Variants in TENM2 observed in about 807,000 individuals in gnomAD.
TENM2 encodes the protein teneurin transmembrane protein 2, also known as teneurin-2.
Under a neutral mutation model 245.2 loss-of-function variants are expected in TENM2, and 52 were observed. The observed-to-expected ratio is 0.21, with a 90% CI of 0.17 to 0.27. The LOEUF is 0.27. Among genes scored for constraint, TENM2 ranks in the 10% least tolerant of loss-of-function variants. The pLI, the probability that TENM2 is intolerant of heterozygous loss-of-function variation, is 1.00. For missense variants in TENM2, 3,046 were observed against 3,666.8 expected (o/e 0.83, Z 4.37); for synonymous variants, 1,363 against 1,438.9 (o/e 0.95, Z 1.19).
intron 2 of TENM2, among the ~76,000 whole-genome samples, chr5:167,596,266 A>G (rs1776202095): frequency 1.3e-5 from 2 of 152,210 alleles, no homozygotes; most frequent in African/African-American, 4.8e-5. Flanking sequence ...AGATGAAGGA[A>G]CAGAGGCCCC....
intron 2 of TENM2, among the ~76,000 whole-genome samples, chr5:167,522,566 A>G (rs1325414266): frequency 6.6e-6 from 1 of 151,948 alleles, no homozygotes; most frequent in Non-Finnish European, 1.5e-5. Context: ...TGCCTGTATT[A>G]TTTATTTTAT....
At chr5:167,379,095 A>G (rs1760941898) in intron 2 of TENM2, among the ~76,000 whole-genome samples, 1 of 152,144 alleles carries the variant, frequency 6.6e-6, no homozygotes, top group Non-Finnish European at 1.5e-5. Flanking sequence ...GTTCATTTTC[A>G]TCTGTTGTAA....
At chr5:167,723,642 A>G (rs1759790504) in intron 2 of TENM2, among the ~76,000 whole-genome samples, 1 of 152,084 alleles carries the variant, frequency 6.6e-6, no homozygotes, top group Non-Finnish European at 1.5e-5. Flanking sequence ...TGTGTGCCTC[A>G]AATATGCTGG....
intron 2 of TENM2, among the ~76,000 whole-genome samples, chr5:167,446,830 C>T (rs1248983292): frequency 2.7e-5 from 4 of 147,798 alleles, no homozygotes; most frequent in Admixed American, 1.4e-4. Flanking sequence ...CACACACAGA[C>T]ATACATACAG....
intron 2 of TENM2, among the ~76,000 whole-genome samples, chr5:167,465,936 A>G (rs1035202950): frequency 2.6e-5 from 4 of 152,180 alleles, no homozygotes; most frequent in African/African-American, 9.6e-5. Flanking sequence ...TCCAAAGTCC[A>G]TGAATGTCCA....
At chr5:167,721,790 T>C (rs1759650026) in intron 2 of TENM2, among the ~76,000 whole-genome samples, 1 of 152,230 alleles carries the variant, frequency 6.6e-6, no homozygotes, top group Admixed American at 6.5e-5. Context: ...CATTAGGACA[T>C]AGACATTGTT....
chr5:167,712,277 A>G (rs965050724), intron 2 of TENM2, among the ~76,000 whole-genome samples: 1 of 152,214 alleles, frequency 6.6e-6, no homozygotes, highest in Admixed American at 6.5e-5. Context: ...ATATTCCATT[A>G]ACAAGTTTTA....
chr5:168,181,625 C>T (rs1759895677), intron 13 of TENM2, among the ~76,000 whole-genome samples: 1 of 150,992 alleles, frequency 6.6e-6, no homozygotes, highest in Non-Finnish European at 1.5e-5. Flanking sequence ...AGGAAAACTT[C>T]CAACAGGTCT....
At chr5:167,017,535 A>T in the TENM2 span, among the ~76,000 whole-genome samples, 1 of 152,176 alleles carries the variant, frequency 6.6e-6, no homozygotes, top group African/African-American at 2.4e-5. Flanking sequence ...ATTAGCAATA[A>T]ATGGGGTGGG....
At chr5:167,429,167 C>T (rs1308631945) in intron 2 of TENM2, among the ~76,000 whole-genome samples, 4 of 152,086 alleles carry the variant, frequency 2.6e-5, no homozygotes, top group Non-Finnish European at 5.9e-5. Flanking sequence ...AAAATCAATG[C>T]CTCTCATTAA....
intron 2 of TENM2, among the ~76,000 whole-genome samples, chr5:167,535,399 A>C (rs914755356): frequency 6.6e-6 from 1 of 152,116 alleles, no homozygotes; most frequent in Admixed American, 6.5e-5. Context: ...CTGCTTGAAG[A>C]AAAGCCAAAG....
chr5:168,158,855 A>ACC (rs1174815503), intron 12 of TENM2, among the ~76,000 whole-genome samples: 7 of 130,464 alleles, frequency 5.4e-5, no homozygotes, highest in African/African-American at 2.0e-4. Flanking sequence ...ATATATACAC[A>ACC]CACACACACA....
chr5:168,262,964 G>A (rs1361241496), exon 29 of TENM2: 1 of 680,296 alleles, frequency 1.5e-6, no homozygotes, highest in Non-Finnish European at 2.4e-6. Context: ...GAGTTCAAAT[G>A]CTACTGTCCA....
chr5:167,437,199 G>A (rs769811154), intron 2 of TENM2, among the ~76,000 whole-genome samples: 1 of 152,172 alleles, frequency 6.6e-6, no homozygotes, highest in African/African-American at 2.4e-5. Flanking sequence ...GGGTGGAGCT[G>A]CCCAAGACCA....
At chr5:168,155,927 G>GT (rs1757122334) in intron 12 of TENM2, among the ~76,000 whole-genome samples, 2 of 122,476 alleles carry the variant, frequency 1.6e-5, no homozygotes, top group African/African-American at 6.3e-5. Flanking sequence ...AAAAAAAATT[G>GT]TAAGTACGGT....
At chr5:167,431,970 T>TATATACACACATATATATAC (rs1554150946) in intron 2 of TENM2, among the ~76,000 whole-genome samples, 1 of 135,528 alleles carries the variant, frequency 7.4e-6, no homozygotes, top group African/African-American at 2.9e-5. Flanking sequence ...TGTATATATA[T>TATATACACACATATATATAC]ATATATATGG....
chr5:167,954,891 A>G (rs1353029878), intron 4 of TENM2, among the ~76,000 whole-genome samples: 1 of 152,198 alleles, frequency 6.6e-6, no homozygotes, highest in East Asian at 1.9e-4. Context: ...GGTTGGTTCC[A>G]AGTCTCTGCT....
chr5:168,258,456 GCGCCA>G (rs1767880791), intron 27 of TENM2, among the ~76,000 whole-genome samples: 1 of 152,034 alleles, frequency 6.6e-6, no homozygotes, highest in Non-Finnish European at 1.5e-5. Flanking sequence ...AGCCGAAATC[GCGCCA>G]CTGCACTCCA....
intron 8 of TENM2, 127 bp from the exon 11 acceptor site, chr5:168,097,899 C>T: frequency 1.5e-6 from 1 of 669,632 alleles, no homozygotes; most frequent in African/African-American, 1.8e-5. Context: ...ATATTGCTGA[C>T]CGATCCCCTA....
Sources: gnomAD v4.1 joint callset for allele counts (sites outside exome capture counted in the v4.1 genomes callset) on GRCh38, gnomAD v4.1.1 for gene constraint, MANE v1.5 for transcripts, NCBI Gene and HGNC (gene_info 2026-07-23, HGNC 2026-07-21) for gene names.